IL34: variants seen among roughly 807,000 people sequenced by gnomAD.
The protein encoded by IL34 is interleukin-34.
IL34 carries 17 observed loss-of-function variants against 25.3 expected under a neutral mutation model. That is an observed-to-expected ratio of 0.67 (90% confidence interval 0.46 to 1.01). The LOEUF is 1.01. IL34 is among the 50% of genes least tolerant of loss of function. The probability of loss-of-function intolerance (pLI) is 0.00; values close to 1 mark genes in which losing one functional copy is unlikely to be tolerated. For missense variants in IL34, 368 were observed against 312.9 expected (o/e 1.18, Z -1.33); for synonymous variants, 174 against 140.9 (o/e 1.23, Z -1.66).
chr16:70,633,341 C>T (rs950707124), intron 1 of IL34, among the ~76,000 whole-genome samples: 1 of 151,728 alleles, frequency 6.6e-6, no homozygotes. Context: ...GCAGCTTTGA[C>T]CTCCCAGGCT....
At chr16:70,616,480 T>C (rs1353505201) in intron 1 of IL34, among the ~76,000 whole-genome samples, 1 of 152,366 alleles carries the variant, frequency 6.6e-6, no homozygotes, top group East Asian at 1.9e-4. Flanking sequence ...TATTTTTCTA[T>C]GACCGTCTTA....
intron 1 of IL34, among the ~76,000 whole-genome samples, chr16:70,639,366 A>T (rs531185902): frequency 3.9e-5 from 6 of 152,312 alleles, no homozygotes; most frequent in African/African-American, 1.4e-4. Context: ...AAATAGGAGG[A>T]AAGCACAATA....
rs536871025 is a variant in IL34, at chr16:70,595,222, A to G, written c.-401+15173A>G. 3.4e-4 allele frequency among the ~76,000 whole-genome samples: 51 copies of G among 151,194 alleles called. 2 individuals are homozygous for G. The South Asian group carries it at 0.01, about 30-fold the overall frequency. On this transcript the variant is annotated intron_variant, in intron 1 of 6. Transcript: ENST00000429149. ...GTGATCCGCCCACCTCGGCCTCCCAAAGTGCTGGGATTACAGGTGTGAGCC... is the reference window on the plus strand; with the variant it reads ...GTGATCCGCCCACCTCGGCCTCCCAGAGTGCTGGGATTACAGGTGTGAGCC...
At chr16:70,598,730 C>T (rs948475574) in intron 1 of IL34, among the ~76,000 whole-genome samples, 2 of 152,104 alleles carry the variant, frequency 1.3e-5, no homozygotes, top group Non-Finnish European at 2.9e-5. Flanking sequence ...CAGAGTGAAA[C>T]TCTGTCCATA....
chr16:70,632,356 A>G (rs987467048), intron 1 of IL34, among the ~76,000 whole-genome samples: 2 of 152,192 alleles, frequency 1.3e-5, no homozygotes, highest in African/African-American at 4.8e-5. Context: ...GCCTGTTCTC[A>G]AGGTCTAGGC....
chr16:70,615,677 G>A lies in IL34; in HGVS notation c.-400-30871G>A, dbSNP rs144783432. 5.1e-3 allele frequency among the ~76,000 whole-genome samples: 777 copies of A among 152,274 alleles called. 5 individuals are homozygous for A. Among genetic ancestry groups the A allele is most frequent in the African/African-American group, 0.017 (727 of 41,546 alleles). On this transcript the variant is annotated intron_variant, in intron 1 of 6. Transcript: ENST00000429149. Reference sequence around the variant, plus strand: ...ATATAGGTAGATGAAAGTGCCAGGCGCAGTGGCACGTGCCTGTAATCTCAG... The same window carrying A: ...ATATAGGTAGATGAAAGTGCCAGGCACAGTGGCACGTGCCTGTAATCTCAG...
intron 1 of IL34, among the ~76,000 whole-genome samples, chr16:70,587,107 C>G (rs1408188538): frequency 6.6e-6 from 1 of 152,138 alleles, no homozygotes; most frequent in Admixed American, 6.5e-5. Context: ...TTGCAACTCT[C>G]AGGGGTGGTC....
chr16:70,617,950 G>T (rs2051199918), intron 1 of IL34, among the ~76,000 whole-genome samples: 1 of 151,922 alleles, frequency 6.6e-6, no homozygotes, highest in Non-Finnish European at 1.5e-5. Flanking sequence ...AGACTAAGAG[G>T]TATTTTAGTT....
chr16:70,619,723 G>A (rs2051240256), intron 1 of IL34, among the ~76,000 whole-genome samples: 1 of 152,260 alleles, frequency 6.6e-6, no homozygotes, highest in South Asian at 2.1e-4. Context: ...GGCAGTGTCA[G>A]TCTTCAGCCG....
intron 1 of IL34, among the ~76,000 whole-genome samples, chr16:70,627,987 C>T (rs571735197): frequency 7.2e-5 from 11 of 152,134 alleles, no homozygotes; most frequent in Non-Finnish European, 1.5e-4. Flanking sequence ...GGGATATGCA[C>T]ACGTTCAATT....
In IL34 at chr16:70,620,600, G is replaced by A. The variant is rs573279420; in HGVS notation, c.-400-25948G>A. On this transcript the variant is annotated intron_variant, in intron 1 of 6. Transcript: ENST00000429149. ...TTGGGACTGAGGGGACAGGCGGGAG[G>A]GAAAGAAGGAAGATTTGGTACGAGT... Among the ~76,000 whole-genome samples the A allele has an allele frequency of 2.0e-5, 3 of 152,206 alleles. No homozygotes were observed. The East Asian group carries it at 5.8e-4, about 29-fold the overall frequency.
chr16:70,613,226 C>A (rs2051117604), intron 1 of IL34, among the ~76,000 whole-genome samples: 1 of 152,228 alleles, frequency 6.6e-6, no homozygotes, highest in African/African-American at 2.4e-5. Context: ...TTGAACTAAT[C>A]TCCCTGGTAA....
At chr16:70,647,596 A>G (rs2051971685) in intron 1 of IL34, among the ~76,000 whole-genome samples, 2 of 152,206 alleles carry the variant, frequency 1.3e-5, no homozygotes, top group African/African-American at 4.8e-5. Flanking sequence ...ATCCAGTTCA[A>G]TTGACTCAAA....
At chr16:70,630,560 C>T (rs2051497066) in intron 1 of IL34, among the ~76,000 whole-genome samples, 1 of 151,320 alleles carries the variant, frequency 6.6e-6, no homozygotes, top group South Asian at 2.1e-4. Flanking sequence ...CCCCTCCCCT[C>T]TCCTCTCCTC....
At chr16:70,651,621 T>G (rs1223217450) in intron 1 of IL34, among the ~76,000 whole-genome samples, 1 of 151,774 alleles carries the variant, frequency 6.6e-6, no homozygotes, top group East Asian at 1.9e-4. Flanking sequence ...AGGTAGCAAA[T>G]GGGTGGTGTG....
chr16:70,649,248 A>C (rs1004983350), intron 1 of IL34, among the ~76,000 whole-genome samples: 1 of 152,198 alleles, frequency 6.6e-6, no homozygotes, highest in African/African-American at 2.4e-5. Flanking sequence ...GTGCCAGAGG[A>C]AGCGTACTGA....
intron 1 of IL34, among the ~76,000 whole-genome samples, chr16:70,636,923 AG>A (rs1439872361): frequency 6.6e-6 from 1 of 151,590 alleles, no homozygotes; most frequent in Non-Finnish European, 1.5e-5. Context: ...TCTGTCGCCC[AG>A]GTTGGAGTAC....
intron 1 of IL34, among the ~76,000 whole-genome samples, chr16:70,636,146 C>A (rs921149839): frequency 1.3e-5 from 2 of 151,770 alleles, no homozygotes; most frequent in East Asian, 1.9e-4. Context: ...TCAAGTAATT[C>A]TCTTGCCTCA....
intron 1 of IL34, among the ~76,000 whole-genome samples, chr16:70,619,850 C>G (rs1183111693): frequency 6.6e-6 from 1 of 152,206 alleles, no homozygotes; most frequent in Non-Finnish European, 1.5e-5. Flanking sequence ...GGGTCCCACA[C>G]AGATGGGACG....
Sources: gnomAD v4.1 joint callset for allele counts (sites outside exome capture counted in the v4.1 genomes callset) on GRCh38, gnomAD v4.1.1 for gene constraint, MANE v1.5 for transcripts, NCBI Gene and HGNC (gene_info 2026-07-23, HGNC 2026-07-21) for gene names.